Variants in LY86 observed in about 807,000 individuals in gnomAD.
LY86 encodes MD-1, RP105-associated.
A neutral mutation model predicts 17.3 loss-of-function variants in LY86; 20 were observed. The ratio of observed to expected loss-of-function variants is 1.15; its 90% CI spans 0.81 to 1.68. LY86 has a LOEUF of 1.68. Among genes scored for constraint, LY86 ranks in the 40% most tolerant of loss-of-function variants. LY86 has a pLI of 0.00. For synonymous variants in LY86, 74 were observed against 70.6 expected, an observed-to-expected ratio of 1.05 and a Z score of -0.24; for missense variants, 200 against 191.9, an observed-to-expected ratio of 1.04 and a Z score of -0.25.
chr6:6,632,233 G>A (rs960457519), intron 3 of LY86, among the ~76,000 whole-genome samples: 1 of 152,204 alleles, frequency 6.6e-6, no homozygotes, highest in African/African-American at 2.4e-5. Flanking sequence ...AGTGGCAGCT[G>A]GCAGGAGGAA....
At chr6:6,598,641 T>C (rs1561775676) in intron 1 of LY86, among the ~76,000 whole-genome samples, 4 of 152,214 alleles carry the variant, frequency 2.6e-5, no homozygotes, top group African/African-American at 7.2e-5. Flanking sequence ...CTGCTTTTTT[T>C]CTCAAGTGAT....
At chr6:6,611,788 G>A (rs568074240) in intron 1 of LY86, among the ~76,000 whole-genome samples, 9 of 138,212 alleles carry the variant, frequency 6.5e-5, no homozygotes, top group Admixed American at 2.9e-4. Context: ...CAAACAGTAC[G>A]GGCTCAAAAA....
rs1184491625 is a variant in LY86, at chr6:6,607,327, C to T, written c.137-17599C>T. Among the ~76,000 whole-genome samples, 7 of 151,866 alleles carry T rather than the reference C, an allele frequency of 4.6e-5. No homozygotes were observed. The East Asian group carries it at 9.6e-4, about 21-fold the overall frequency. ...AAATTCACTGTCATGTGTTTTTTGC[C>T]ACAATAAAAACAAATATATACATAC... On this transcript the variant is annotated intron_variant, in intron 1 of 4. Transcript: ENST00000230568.
rs370252261 is a variant in LY86 at position 6,624,922 on chromosome 6, G to A, written c.137-4G>A. ...CAACTAATCTATTGTTTTCTTCTTC[G>A]TAGATCCATTACAAGATTTTGGCTT... On this transcript the variant is annotated splice_region_variant and splice_polypyrimidine_tract_variant and intron_variant, in intron 1 of 4. Transcript: ENST00000230568. 7.5e-6 allele frequency: 11 copies of A among 1,463,244 alleles called. No individual in the cohort carries two copies. Among genetic ancestry groups the A allele is most frequent in the East Asian group, 6.9e-5 (3 of 43,228 alleles). 90.6% of individuals were successfully genotyped at this position (1,463,244 alleles called of 1,614,324 possible). A position where few individuals can be genotyped will look rare whatever the true frequency, so the allele number is the denominator to read the frequency against.
chr6:6,623,250 A>G (rs1446575332), intron 1 of LY86, among the ~76,000 whole-genome samples: 1 of 152,308 alleles, frequency 6.6e-6, no homozygotes, highest in South Asian at 2.1e-4. Context: ...TAGAAACTGG[A>G]TGCTTGACAG....
chr6:6,636,440 G>A (rs1312760551), intron 3 of LY86, among the ~76,000 whole-genome samples: 2 of 152,228 alleles, frequency 1.3e-5, no homozygotes, highest in Non-Finnish European at 1.5e-5. Context: ...ACTTTGTGCA[G>A]CTGATGACAG....
At chr6:6,613,636 A>G (rs1761464523) in intron 1 of LY86, among the ~76,000 whole-genome samples, 1 of 152,018 alleles carries the variant, frequency 6.6e-6, no homozygotes, top group African/African-American at 2.4e-5. Context: ...CCCCCTTCAT[A>G]TCTCCCCGCA....
intron 1 of LY86, among the ~76,000 whole-genome samples, chr6:6,601,389 G>GAACA (rs5874042): frequency 0.77 from 116,881 of 151,774 alleles, 47,114 homozygotes; most frequent in Non-Finnish European, 0.89. Flanking sequence ...GGCAGATGAT[G>GAACA]AAGAGGGTAA....
chr6:6,598,388 A>G (rs9504862), intron 1 of LY86, among the ~76,000 whole-genome samples: 17 of 152,266 alleles, frequency 1.1e-4, no homozygotes, highest in African/African-American at 4.1e-4. Flanking sequence ...TACCTATACT[A>G]CTAAACTTTC....
At chr6:6,625,389 G>A (rs545591984) in intron 2 of LY86, among the ~76,000 whole-genome samples, 2 of 152,168 alleles carry the variant, frequency 1.3e-5, no homozygotes, top group East Asian at 1.9e-4. Flanking sequence ...CCAGCGGTAC[G>A]GTTTGTCATT....
At position 6,595,305 on chromosome 6, in the gene LY86, G is replaced by T. The variant is rs192047192; in HGVS notation, c.136+6435G>T. 4.8e-4 allele frequency among the ~76,000 whole-genome samples: 73 copies of T among 150,794 alleles called. No individual in the cohort carries two copies. In the East Asian group the frequency reaches 0.011, roughly 22 times the overall value. ...AAGAGGTGGGGAAGAAGAGGAGAAG[G>T]AGGAGGAGGTGGAAGAGGAGGAAGA... On this transcript the variant is annotated intron_variant, in intron 1 of 4. Coordinates refer to ENST00000230568, the MANE Select transcript of LY86 (RefSeq NM_004271.4).
intron 1 of LY86, among the ~76,000 whole-genome samples, chr6:6,613,796 C>T (rs929011259): frequency 5.9e-5 from 9 of 152,238 alleles, no homozygotes; most frequent in Non-Finnish European, 7.3e-5. Context: ...CATGCTGTCA[C>T]CTCTCAATAG....
At chr6:6,595,247 CAAG>C (rs1278421398) in intron 1 of LY86, among the ~76,000 whole-genome samples, 2 of 138,328 alleles carry the variant, frequency 1.4e-5, no homozygotes, top group Admixed American at 7.6e-5. Flanking sequence ...GGGAAGAGAA[CAAG>C]AAGGAGGGAA....
chr6:6,603,600 A>ACC, intron 1 of LY86, among the ~76,000 whole-genome samples: 1 of 86,236 alleles, frequency 1.2e-5, no homozygotes, highest in South Asian at 4.7e-4. Flanking sequence ...ACAAAAACAG[A>ACC]AACAGAAAAA....
intron 1 of LY86, among the ~76,000 whole-genome samples, chr6:6,624,596 A>G (rs1761750493): frequency 1.3e-5 from 2 of 152,200 alleles, no homozygotes; most frequent in Admixed American, 1.3e-4. Flanking sequence ...AGCAATTTTA[A>G]GGCCAAACGT....
At chr6:6,632,072 C>T (rs968405475) in intron 3 of LY86, among the ~76,000 whole-genome samples, 5 of 152,184 alleles carry the variant, frequency 3.3e-5, no homozygotes, top group South Asian at 2.1e-4. Context: ...CGGGGGCTGT[C>T]ACCAGGTGGA....
At chr6:6,623,629 C>T (rs569807112) in intron 1 of LY86, among the ~76,000 whole-genome samples, 20 of 152,310 alleles carry the variant, frequency 1.3e-4, no homozygotes, top group African/African-American at 4.8e-4. Context: ...ATTCACTCAA[C>T]ATGTACATTT....
At chr6:6,639,938 A>G (rs1218804526) in intron 3 of LY86, among the ~76,000 whole-genome samples, 1 of 152,234 alleles carries the variant, frequency 6.6e-6, no homozygotes, top group Non-Finnish European at 1.5e-5. Flanking sequence ...TAGGTTTTCA[A>G]TTAAAATGCT....
intron 1 of LY86, among the ~76,000 whole-genome samples, chr6:6,618,429 A>AT (rs72090806): frequency 0.26 from 38,899 of 149,074 alleles, 5,187 homozygotes; most frequent in East Asian, 0.36. Flanking sequence ...TATGAATTCA[A>AT]TTTTTTTTTT....
Sources: gnomAD v4.1 joint callset for allele counts (sites outside exome capture counted in the v4.1 genomes callset) on GRCh38, gnomAD v4.1.1 for gene constraint, MANE v1.5 for transcripts, NCBI Gene and HGNC (gene_info 2026-07-23, HGNC 2026-07-21) for gene names.